The following ASB14 variants were observed in gnomAD, a reference collection of about 807,000 sequenced individuals.
ASB14 encodes ankyrin repeat and SOCS box containing 14.
Under a neutral mutation model 55.6 loss-of-function variants are expected in ASB14, and 63 were observed. That is an observed-to-expected ratio of 1.13 (90% CI 0.92 to 1.40). ASB14 has a LOEUF of 1.40. ASB14 is among the 40% of genes most tolerant of loss of function. The probability of loss-of-function intolerance (pLI) is 0.00; values close to 1 mark genes in which losing one functional copy is unlikely to be tolerated. For synonymous variants in ASB14, 256 were observed against 259.9 expected, an observed-to-expected ratio of 0.98 and a Z score of 0.15; for missense variants, 724 against 710.4, an observed-to-expected ratio of 1.02 and a Z score of -0.22.
chr3:57,277,685 A>G, intron 9 of ASB14, 82 bp downstream of exon 9: 1 of 1,245,768 alleles, frequency 8.0e-7, no homozygotes, highest in South Asian at 1.5e-5. Context: ...CCAGAAGAGA[A>G]GGGTGTTCTA....
At chr3:57,285,433 G>T (rs2061073658) in intron 5 of ASB14, among the ~76,000 whole-genome samples, 1 of 151,822 alleles carries the variant, frequency 6.6e-6, no homozygotes, top group African/African-American at 2.4e-5. Context: ...TTTGGTTTTG[G>T]TATAATTTAA....
rs2061012285 is a variant in ASB14 at position 57,278,760 on chromosome 3, T to C, written c.1048A>G (p.Lys350Glu). 6.2e-7 allele frequency: 1 copy of C among 1,613,446 alleles called. No individual in the cohort carries two copies. The highest frequency in any genetic ancestry group is 1.1e-5 in the South Asian group (1 of 90,980). ...VNFMLDQRINKHYDDHRKSAL... is the reference protein window; with the variant it reads ...VNFMLDQRINEHYDDHRKSAL... ...GACTTCCTGTGGTCATCGTAGTGTTTGTTAATTCTCTGATCCAGCATGAAG... is the reference window on the plus strand; with the variant it reads ...GACTTCCTGTGGTCATCGTAGTGTTCGTTAATTCTCTGATCCAGCATGAAG... Residue 350 changes from lysine to glutamate, a missense_variant, in exon 8 of 11, where the codon AAA becomes GAA. Physicochemically the swap from Lys to Glu is moderately conservative, Grantham distance 56. Coordinates refer to ENST00000487349, the MANE Select transcript of ASB14 (RefSeq NM_001142733.3).
At chr3:57,286,284 TTC>T (rs2061080435) in intron 5 of ASB14, among the ~76,000 whole-genome samples, 1 of 152,114 alleles carries the variant, frequency 6.6e-6, no homozygotes, top group Non-Finnish European at 1.5e-5. Flanking sequence ...CTTTTTTTTT[TTC>T]AGCTTTTTAT....
rs143429908 is a variant in ASB14 at position 57,276,630 on chromosome 3, A to G, written c.1684T>C (p.Leu562=). The G allele has an allele frequency of 3.2e-5, 52 of 1,613,866 alleles. No individual in the cohort carries two copies. The African/African-American group carries it at 5.3e-4, about 17-fold the overall frequency. The change falls in exon 10 of 11, where the codon TTA becomes CTA. Residue 562 remains leucine (L), a synonymous_variant. Coordinates refer to ENST00000487349, the MANE Select transcript of ASB14 (RefSeq NM_001142733.3). ...RCPVFMSFLP[L]PNRLKAYVLY... is the part of the protein sequence containing the mutation. ...ACATATGCTTTTAGACGATTGGGTA[A>G]TGGAAGAAATGACATGAAGACAGGG...
intron 5 of ASB14, among the ~76,000 whole-genome samples, chr3:57,285,212 A>C (rs1010333954): frequency 1.3e-5 from 2 of 152,078 alleles, no homozygotes; most frequent in African/African-American, 2.4e-5. Context: ...AAGTGCTGGG[A>C]TTACAGGTGT....
intron 9 of ASB14, 120 bp from the exon 10 acceptor site, chr3:57,276,848 T>A (rs1003371742): frequency 9.1e-6 from 8 of 878,382 alleles, no homozygotes; most frequent in South Asian, 1.9e-5. Flanking sequence ...GCAAAGTCAA[T>A]AGGGAAACAG....
Position 57,280,420 on chromosome 3 carries a change from C to A in ASB14, c.769G>T (p.Ala257Ser). ...SDSSSILLEA[A>S]SGGNPDAVAL... ...ACAGCATCTGGATTTCCTCCACTTGCGGCTTCAAGTAAGATGGAAGAAGAA... is the reference window on the plus strand; with the variant it reads ...ACAGCATCTGGATTTCCTCCACTTGAGGCTTCAAGTAAGATGGAAGAAGAA... The change falls in exon 7 of 11, where the codon GCA becomes TCA. Residue 257 changes from alanine (A) to serine (S), a missense_variant. Physicochemically the swap from Ala to Ser is moderately conservative, Grantham distance 99. Coordinates refer to ENST00000487349, the MANE Select transcript of ASB14 (RefSeq NM_001142733.3). The A allele has an allele frequency of 6.4e-7, 1 of 1,551,218 alleles. No individual in the cohort carries two copies. Among genetic ancestry groups the A allele is most frequent in the Non-Finnish European group, 8.7e-7 (1 of 1,146,630 alleles).
intron 3 of ASB14, 61 bp downstream of exon 3, chr3:57,289,007 T>G: frequency 7.6e-7 from 1 of 1,309,334 alleles, no homozygotes; most frequent in Non-Finnish European, 1.1e-6. Context: ...CGTGAGCCAC[T>G]GCATCCAGCC....
At position 57,278,454 on chromosome 3, in the gene ASB14, C is replaced by G. The variant is rs768705427; in HGVS notation, c.1354G>C (p.Asp452His). Residue 452 changes from aspartate to histidine, a missense_variant, in exon 8 of 11, where the codon GAT (aspartate) becomes CAT (histidine). Physicochemically the swap from Asp to His is moderately conservative, Grantham distance 81. Coordinates refer to ENST00000487349, the MANE Select transcript of ASB14 (RefSeq NM_001142733.3). Reference sequence around the variant, plus strand: ...TGGACTTTGTCTCCATGTGGGCAATCAAAACATCGCTCTGTGTCATACCCA... The same window carrying G: ...TGGACTTTGTCTCCATGTGGGCAATGAAAACATCGCTCTGTGTCATACCCA... ...NYGYDTERCF[D>H]CPHGDKVHPS... 8 of 1,614,078 alleles carry G rather than the reference C, an allele frequency of 5.0e-6. No homozygotes were observed. In the South Asian group the frequency reaches 6.6e-5, roughly 13 times the overall value.
At chr3:57,277,355 AATT>A in intron 9 of ASB14, among the ~76,000 whole-genome samples, 1 of 152,168 alleles carries the variant, frequency 6.6e-6, no homozygotes, top group East Asian at 1.9e-4. Flanking sequence ...ACATGAAATA[AATT>A]ATTAATTTGT....
chr3:57,288,103 G>C, intron 4 of ASB14, 44 bp from the exon 5 acceptor site: 1 of 1,534,706 alleles, frequency 6.5e-7, no homozygotes, highest in Non-Finnish European at 8.7e-7. Context: ...ATATAGAAAT[G>C]AATGTTAAAT....
At chr3:57,286,057 G>A (rs1255350941) in intron 5 of ASB14, among the ~76,000 whole-genome samples, 1 of 152,136 alleles carries the variant, frequency 6.6e-6, no homozygotes, top group African/African-American at 2.4e-5. Flanking sequence ...TTTGAGAGTT[G>A]GAGCAAATAT....
At chr3:57,276,337 G>A (rs2060986462) in intron 10 of ASB14, among the ~76,000 whole-genome samples, 191 bp downstream of exon 10, 1 of 151,496 alleles carries the variant, frequency 6.6e-6, no homozygotes, top group African/African-American at 2.4e-5. Flanking sequence ...CTAGGCTGGA[G>A]TGCAGTGGCG....
intron 6 of ASB14, among the ~76,000 whole-genome samples, chr3:57,281,619 C>T (rs901306037): frequency 6.6e-6 from 1 of 152,120 alleles, no homozygotes; most frequent in South Asian, 2.1e-4. Context: ...TGAGTGCCCA[C>T]TATGTGCTGG....
intron 3 of ASB14, 199 bp downstream of exon 3, chr3:57,288,869 C>T: frequency 2.4e-6 from 1 of 423,404 alleles, no homozygotes; most frequent in Non-Finnish European, 4.2e-6. Flanking sequence ...CGCCCGCCAC[C>T]ATGCCCGGCT....
At chr3:57,276,126 A>G (rs746220904) in intron 10 of ASB14, among the ~76,000 whole-genome samples, 1 of 151,952 alleles carries the variant, frequency 6.6e-6, no homozygotes, top group Non-Finnish European at 1.5e-5. Flanking sequence ...AGTGGCATCT[A>G]TTCTTTTGAG....
At chr3:57,281,028 A>G (rs1025437081) in intron 6 of ASB14, among the ~76,000 whole-genome samples, 7 of 152,104 alleles carry the variant, frequency 4.6e-5, no homozygotes, top group Non-Finnish European at 7.4e-5. Flanking sequence ...CTTATCCAAA[A>G]TGCTTGGGAC....
At chr3:57,281,050 C>T (rs1255205328) in intron 6 of ASB14, among the ~76,000 whole-genome samples, 2 of 150,852 alleles carry the variant, frequency 1.3e-5, no homozygotes, top group South Asian at 2.1e-4. Context: ...AGAAGTGTTT[C>T]ATATTTCAGG....
At chr3:57,278,974 A>C in intron 7 of ASB14, 54 bp from the exon 8 acceptor site, 2 of 1,543,428 alleles carry the variant, frequency 1.3e-6, no homozygotes, top group Non-Finnish European at 1.8e-6. Context: ...TGTAGCACTA[A>C]CTTGTTTATT....
Sources: allele counts gnomAD v4.1 joint callset (sites outside exome capture counted in the v4.1 genomes callset), GRCh38; gene constraint gnomAD v4.1.1; transcripts MANE v1.5; gene names NCBI Gene and HGNC (gene_info 2026-07-23, HGNC 2026-07-21).